Variants in OR4N2 observed in about 807,000 individuals in gnomAD.
OR4N2 encodes the protein olfactory receptor 4N2.
For missense variants in OR4N2, 307 were observed against 377.6 expected (o/e 0.81, Z 1.55); for synonymous variants, 141 against 140.4 (o/e 1.00, Z -0.03).
chr14:19,818,784 C>A (rs1236489583), intron 1 of OR4N2, among the ~76,000 whole-genome samples: 4 of 152,220 alleles, frequency 2.6e-5, no homozygotes, highest in Non-Finnish European at 5.9e-5. Flanking sequence ...CTTCAATGGT[C>A]TTTACAATTT....
chr14:19,808,763 C>G (rs1242943440), intron 1 of OR4N2, among the ~76,000 whole-genome samples: 1 of 151,850 alleles, frequency 6.6e-6, no homozygotes, highest in Non-Finnish European at 1.5e-5. Flanking sequence ...ATAGTCAAAA[C>G]AATCCCATGC....
chr14:19,808,209 A>G (rs1303176656), intron 1 of OR4N2, among the ~76,000 whole-genome samples: 6 of 152,224 alleles, frequency 3.9e-5, no homozygotes, highest in Admixed American at 3.9e-4. Context: ...CTCTTCTTCA[A>G]TATAGGACTT....
intron 1 of OR4N2, among the ~76,000 whole-genome samples, chr14:19,826,846 C>T (rs1339947163): frequency 1.3e-5 from 2 of 152,126 alleles, no homozygotes; most frequent in Admixed American, 6.5e-5. Flanking sequence ...TTGGGATTCT[C>T]GTGAACAGTC....
chr14:19,804,031 G>T (rs1375674892), intron 1 of OR4N2, among the ~76,000 whole-genome samples, 187 bp downstream of exon 1: 18 of 152,146 alleles, frequency 1.2e-4, no homozygotes, highest in Non-Finnish European at 2.2e-4. Context: ...TTTCTTTGGG[G>T]TTGGTGGTAA....
rs545087444 is a variant in OR4N2 at position 19,807,067 on chromosome 14, AT to A, written c.-10+3229del. Among the ~76,000 whole-genome samples, 368 of 150,492 alleles carry A rather than the reference AT, an allele frequency of 2.4e-3. 2 individuals carry two copies. The highest frequency in any genetic ancestry group is 0.021 in the South Asian group (98 of 4,708). ...AATGAAGCTAAAGCAGGAAATAAAT[AT>A]TTTTTAAATAAATAAGTAAATAAGA... On this transcript the variant is annotated intron_variant, in intron 1 of 1. Transcript: ENST00000557677.
intron 1 of OR4N2, among the ~76,000 whole-genome samples, chr14:19,826,050 T>C (rs1327575471): frequency 5.9e-5 from 9 of 152,252 alleles, no homozygotes; most frequent in Non-Finnish European, 7.3e-5. Context: ...TAAACCATTG[T>C]ACTATGTTAT....
Position 19,828,234 on chromosome 14 carries a change from C to T in OR4N2, c.786C>T (p.Phe262=), listed in dbSNP as rs1433522691. The part of the protein sequence containing the change: ...GPGIFIYTRP[F]RAFPADKVVS... ...GCATCTTCATCTACACGCGCCCCTT[C>T]AGGGCTTTCCCAGCTGACAAGGTGG... is the stretch of plus-strand genomic sequence containing the variant. The change falls in exon 2 of 2, where the codon TTC becomes TTT. Residue 262 remains phenylalanine (F), a synonymous_variant. Coordinates refer to ENST00000557677, the MANE Select transcript of OR4N2 (RefSeq NM_001004723.3). The T allele has an allele frequency of 2.5e-6, 4 of 1,614,158 alleles. No homozygotes were observed. Among genetic ancestry groups the T allele is most frequent in the Non-Finnish European group, 3.4e-6 (4 of 1,180,056 alleles).
chr14:19,823,382 G>A (rs556759451), intron 1 of OR4N2, among the ~76,000 whole-genome samples: 19 of 152,270 alleles, frequency 1.2e-4, no homozygotes, highest in Admixed American at 2.6e-4. Flanking sequence ...GTGACTCAGC[G>A]TTGGCCAACT....
chr14:19,815,685 A>T (rs1879410335), intron 1 of OR4N2, among the ~76,000 whole-genome samples: 2 of 146,612 alleles, frequency 1.4e-5, no homozygotes, highest in African/African-American at 2.5e-5. Context: ...TTTTCTGTGC[A>T]GAAGCTCTTC....
At chr14:19,811,504 C>G (rs1286643412) in intron 1 of OR4N2, among the ~76,000 whole-genome samples, 1 of 152,248 alleles carries the variant, frequency 6.6e-6, no homozygotes, top group Admixed American at 6.5e-5. Flanking sequence ...CCTAGGCCCC[C>G]CAAAGTGCTG....
chr14:19,808,822 T>C, intron 1 of OR4N2, among the ~76,000 whole-genome samples: 1 of 95,786 alleles, frequency 1.0e-5, no homozygotes, highest in South Asian at 2.9e-4. Flanking sequence ...CCAGAAATAT[T>C]GAAAAAAAAA....
chr14:19,806,204 G>A (rs953795927), intron 1 of OR4N2, among the ~76,000 whole-genome samples: 5 of 152,114 alleles, frequency 3.3e-5, no homozygotes, highest in Admixed American at 1.3e-4. Context: ...CATGATGACA[G>A]GATCAATATC....
At chr14:19,811,806 A>G (rs1879303515) in intron 1 of OR4N2, among the ~76,000 whole-genome samples, 1 of 152,284 alleles carries the variant, frequency 6.6e-6, no homozygotes, top group African/African-American at 2.4e-5. Flanking sequence ...CTCCAGTCCA[A>G]TAAAGGGCAA....
chr14:19,822,589 C>T (rs1319426773), intron 1 of OR4N2: 1 of 152,264 alleles, frequency 6.6e-6, no homozygotes, highest in Non-Finnish European at 1.5e-5. Flanking sequence ...ATTACTGACC[C>T]TCCACAACTT....
intron 1 of OR4N2, among the ~76,000 whole-genome samples, chr14:19,816,428 G>A (rs1375739728): frequency 6.6e-6 from 1 of 152,172 alleles, no homozygotes; most frequent in Non-Finnish European, 1.5e-5. Flanking sequence ...CTTGTTAGTT[G>A]TATTCCTAGG....
intron 1 of OR4N2, among the ~76,000 whole-genome samples, chr14:19,815,247 A>G (rs568821327): frequency 9.9e-3 from 1,506 of 152,094 alleles, no homozygotes; most frequent in African/African-American, 0.033. Flanking sequence ...GAATCGCTAC[A>G]CTGTCTTCCA....
At chr14:19,805,641 G>A (rs1375906865) in intron 1 of OR4N2, among the ~76,000 whole-genome samples, 2 of 152,114 alleles carry the variant, frequency 1.3e-5, no homozygotes, top group South Asian at 2.1e-4. Context: ...GAAGGACAGA[G>A]AATAAACAAC....
chr14:19,811,843 T>C (rs1283270347), intron 1 of OR4N2, among the ~76,000 whole-genome samples: 1 of 152,262 alleles, frequency 6.6e-6, no homozygotes, highest in Admixed American at 6.5e-5. Context: ...GCAACCATTA[T>C]AACATATGAT....
At chr14:19,826,967 C>T (rs564531793) in intron 1 of OR4N2, among the ~76,000 whole-genome samples, 1 of 152,346 alleles carries the variant, frequency 6.6e-6, no homozygotes, top group South Asian at 2.1e-4. Flanking sequence ...CTGGGAATTA[C>T]ACAGGAATTG....
Sources: allele counts gnomAD v4.1 joint callset (sites outside exome capture counted in the v4.1 genomes callset), GRCh38; gene constraint gnomAD v4.1.1; transcripts MANE v1.5; gene names NCBI Gene and HGNC (gene_info 2026-07-23, HGNC 2026-07-21).